Variants in WRN observed in about 807,000 individuals in gnomAD.
WRN encodes the protein bifunctional 3'-5' exonuclease/ATP-dependent helicase WRN.
Under a neutral mutation model 180.7 loss-of-function variants are expected in WRN, and 149 were observed. The observed-to-expected ratio is 0.82, with a 90% CI of 0.72 to 0.94. The LOEUF is 0.94. Ranked by LOEUF, WRN falls within the 40% of genes least tolerant of loss-of-function variation. WRN has a pLI of 0.00. For missense variants in WRN, 1,661 were observed against 1,700.1 expected (o/e 0.98, Z 0.40); for synonymous variants, 548 against 568.9 (o/e 0.96, Z 0.52).
Position 31,134,259 on chromosome 8 carries a change from T to C in WRN, c.2967+1753T>C, listed in dbSNP as rs149109488. On this transcript the variant is annotated intron_variant, in intron 24 of 34. Coordinates refer to ENST00000298139, the MANE Select transcript of WRN (RefSeq NM_000553.6). ...TTCCCTTTAACCAACTTAGGAAAAA[T>C]TAATATCTTTGTACATGATTTTGAG... Among the ~76,000 whole-genome samples, 5 of 152,314 alleles carry C rather than the reference T, an allele frequency of 3.3e-5. No homozygotes were observed. The East Asian group carries it at 9.6e-4, about 29-fold the overall frequency.
intron 28 of WRN, 118 bp downstream of exon 28, chr8:31,143,741 C>A: frequency 2.8e-6 from 2 of 713,072 alleles, no homozygotes; most frequent in South Asian, 1.7e-5. Flanking sequence ...AAATTTAAAA[C>A]ATAAGCTTTT....
intron 16 of WRN, among the ~76,000 whole-genome samples, chr8:31,095,121 G>A (rs940204720): frequency 4.6e-5 from 7 of 152,234 alleles, no homozygotes; most frequent in Non-Finnish European, 7.4e-5. Context: ...TAGTCTGGCT[G>A]ATCTTTAACT....
intron 18 of WRN, among the ~76,000 whole-genome samples, chr8:31,109,182 C>T (rs1801209300): frequency 6.6e-6 from 1 of 152,202 alleles, no homozygotes; most frequent in Admixed American, 6.5e-5. Flanking sequence ...TTACAATACA[C>T]TCAGCCCTTG....
At chr8:31,051,875 G>A (rs534116084) in intron 1 of WRN, among the ~76,000 whole-genome samples, 2 of 152,284 alleles carry the variant, frequency 1.3e-5, no homozygotes, top group South Asian at 4.1e-4. Flanking sequence ...TTGACTTGCT[G>A]CTTGTTTTTG....
rs2130536807 is a variant in WRN at position 31,175,449 on chromosome 8, A to T, written c.*2347A>T. The stretch of plus-strand genomic sequence containing the variant: ...ACTCCGTCTCAAAAATAAAAAAAGA[A>T]ATCATGACTGGGTAAAAGATCTGTT... On this transcript the variant is annotated 3_prime_UTR_variant, in exon 35 of 35. Coordinates refer to ENST00000298139, the MANE Select transcript of WRN (RefSeq NM_000553.6). Among the ~76,000 whole-genome samples the T allele has an allele frequency of 6.6e-6, 1 of 152,320 alleles. No homozygotes were observed. The highest frequency in any genetic ancestry group is 2.4e-5 in the African/African-American group (1 of 41,580).
At chr8:31,164,245 C>A (rs1050049515) in intron 33 of WRN, among the ~76,000 whole-genome samples, 7 of 152,058 alleles carry the variant, frequency 4.6e-5, no homozygotes, top group Non-Finnish European at 7.4e-5. Context: ...ACTTTTTGTT[C>A]TCTTACTGGA....
chr8:31,157,385 C>T lies in WRN; in HGVS notation c.3837C>T (p.Ser1279=). 6.2e-7 allele frequency: 1 copy of T among 1,614,012 alleles called. No individual in the cohort carries two copies. The change falls in exon 33 of 35, where the codon AGC becomes AGT. Residue 1279 remains serine, a synonymous_variant. Transcript: ENST00000298139. ...TTCTCTAGAAGAGCATAGCTGAGAG[C>T]AGGATTCTGCCTCTCATGACAATTG... ...KKMPLKSIAE[S]RILPLMTIGM...
At chr8:31,092,723 C>T (rs549573025) in intron 16 of WRN, among the ~76,000 whole-genome samples, 1 of 151,918 alleles carries the variant, frequency 6.6e-6, no homozygotes, top group Non-Finnish European at 1.5e-5. Context: ...ATATCACTGA[C>T]ACTCTAGAAA....
intron 11 of WRN, among the ~76,000 whole-genome samples, chr8:31,086,199 GA>G (rs11574236): frequency 0.52 from 79,678 of 151,806 alleles, 22,639 homozygotes; most frequent in Middle Eastern, 0.63. Flanking sequence ...AGGTTGATGA[GA>G]TTTTTTTATT....
intron 13 of WRN, among the ~76,000 whole-genome samples, 198 bp from the exon 14 acceptor site, chr8:31,090,266 CA>C (rs1353572397): frequency 1.3e-5 from 2 of 150,584 alleles, no homozygotes; most frequent in East Asian, 3.9e-4. Context: ...ATATATATAC[CA>C]AATGGTAGTT....
At position 31,109,590 on chromosome 8, in the gene WRN, TTTTA is replaced by T. The variant is rs566532961; in HGVS notation, c.2089-2017_2089-2014del. Among the ~76,000 whole-genome samples, 414 of 152,310 alleles carry T rather than the reference TTTTA, an allele frequency of 2.7e-3. 1 individual carries two copies. Among genetic ancestry groups the T allele is most frequent in the African/African-American group, 9.2e-3 (383 of 41,568 alleles). ...CTCTGAAGTTGTTATATAGAATTCTTTTTATTTATTTTAATAACAATATTTATGA... is the reference window on the plus strand; with the variant it reads ...CTCTGAAGTTGTTATATAGAATTCTTTTTATTTTAATAACAATATTTATGA... On this transcript the variant is annotated intron_variant, in intron 18 of 34. Coordinates refer to ENST00000298139, the MANE Select transcript of WRN (RefSeq NM_000553.6).
chr8:31,103,282 G>T (rs932962236), intron 18 of WRN, among the ~76,000 whole-genome samples: 1 of 152,150 alleles, frequency 6.6e-6, no homozygotes, highest in African/African-American at 2.4e-5. Flanking sequence ...ATGGAAAAGG[G>T]TATAGGTAAA....
intron 24 of WRN, among the ~76,000 whole-genome samples, chr8:31,135,543 G>T (rs951053138): frequency 6.6e-6 from 1 of 152,194 alleles, no homozygotes; most frequent in Non-Finnish European, 1.5e-5. Flanking sequence ...GATAAGGGAC[G>T]TATGAATACA....
chr8:31,115,537 G>T lies in WRN; in HGVS notation c.2274-817G>T, dbSNP rs560124852. Among the ~76,000 whole-genome samples the T allele has an allele frequency of 9.9e-5, 15 of 151,918 alleles. 1 individual carries two copies. The South Asian group carries it at 3.1e-3, about 32-fold the overall frequency. On this transcript the variant is annotated intron_variant, in intron 19 of 34. Transcript: ENST00000298139. ...AATATTTGTTTACATTTATCTTTTG[G>T]CCAATAAGCAAATATTTTTGTAAAT...
intron 7 of WRN, among the ~76,000 whole-genome samples, chr8:31,072,230 A>G (rs1682663017): frequency 1.3e-5 from 2 of 152,250 alleles, no homozygotes; most frequent in Admixed American, 1.3e-4. Flanking sequence ...GATGCTATCA[A>G]CTGTTTTAAA....
Position 31,058,538 on chromosome 8 carries a change from A to G in WRN, c.91A>G (p.Arg31Gly). Residue 31 changes from arginine to glycine, a missense_variant, in exon 2 of 35, where the codon AGA becomes GGA. Transcript: ENST00000298139. ...GAATAAAAGATGTGCTGTAGAAGAA[A>G]GAAAGGTATGTTGTTCATTGACTAT... ...VQNKRCAVEE[R>G]KACVRKSVFE... is the part of the protein sequence containing the mutation. 1.2e-6 allele frequency: 2 copies of G among 1,613,652 alleles called. No individual in the cohort carries two copies. The highest frequency in any genetic ancestry group is 1.7e-6 in the Non-Finnish European group (2 of 1,179,732).
intron 1 of WRN, among the ~76,000 whole-genome samples, chr8:31,049,793 A>G (rs1411371681): frequency 6.6e-6 from 1 of 152,152 alleles, no homozygotes; most frequent in Non-Finnish European, 1.5e-5. Flanking sequence ...AATGAGGTAT[A>G]ATAGAAGTAA....
At chr8:31,054,828 A>C (rs565325505) in intron 1 of WRN, among the ~76,000 whole-genome samples, 2 of 152,296 alleles carry the variant, frequency 1.3e-5, no homozygotes, top group South Asian at 4.1e-4. Flanking sequence ...GGTTTGCTGC[A>C]CCTATCAATC....
intron 19 of WRN, among the ~76,000 whole-genome samples, chr8:31,114,546 T>C (rs1801438431): frequency 6.6e-6 from 1 of 152,198 alleles, no homozygotes; most frequent in African/African-American, 2.4e-5. Flanking sequence ...ATGTAGTCAA[T>C]ATCAATTTGA....
Sources: allele counts gnomAD v4.1 joint callset (sites outside exome capture counted in the v4.1 genomes callset), GRCh38; gene constraint gnomAD v4.1.1; transcripts MANE v1.5; gene names NCBI Gene and HGNC (gene_info 2026-07-23, HGNC 2026-07-21).